SOX6: variants seen among roughly 807,000 people sequenced by gnomAD.
The protein encoded by SOX6 is SRY-box transcription factor 6.
In SOX6, 11 loss-of-function variants were observed where a neutral mutation model predicts 97.8. The ratio of observed to expected loss-of-function variants is 0.11; its 90% confidence interval spans 0.07 to 0.19. The LOEUF is 0.19. SOX6 is among the 10% of genes least tolerant of loss of function. SOX6 has a pLI of 1.00. For synonymous variants in SOX6, 360 were observed against 371.4 expected, an observed-to-expected ratio of 0.97 and a Z score of 0.35; for missense variants, 810 against 1,039.5, an observed-to-expected ratio of 0.78 and a Z score of 3.04.
chr11:16,523,721 T>C (rs1318417322), intron 4 of SOX6, among the ~76,000 whole-genome samples: 2 of 151,880 alleles, frequency 1.3e-5, no homozygotes, highest in South Asian at 4.2e-4. Context: ...ATCAACAAAA[T>C]TGATAGACCA....
chr11:16,604,177 A>G (rs574853773), intron 4 of SOX6, among the ~76,000 whole-genome samples: 1 of 152,332 alleles, frequency 6.6e-6, no homozygotes, highest in South Asian at 2.1e-4. Flanking sequence ...TTGTGCAAGA[A>G]TGTGGCCTAG....
rs573977962 is a variant in SOX6, at chr11:16,536,665, G to A, written n.610-60277C>T. Among the ~76,000 whole-genome samples, 8 of 152,282 alleles carry A rather than the reference G, an allele frequency of 5.3e-5. No individual in the cohort carries two copies. In the South Asian group the frequency reaches 8.3e-4, roughly 16 times the overall value. On this transcript the variant is annotated intron_variant and non_coding_transcript_variant, in intron 4 of 5. Transcript: ENST00000524520. ...GGAGATTCCCTCCCATGTGTGGCTC[G>A]GCGGGTCCCATGCCCATGAAGCCTT...
At chr11:16,146,205 A>G (rs1850290264) in intron 6 of SOX6, among the ~76,000 whole-genome samples, 1 of 152,176 alleles carries the variant, frequency 6.6e-6, no homozygotes, top group African/African-American at 2.4e-5. Flanking sequence ...CCACACATCT[A>G]CAACTATCTG....
chr11:16,177,049 C>T (rs1014533595), intron 6 of SOX6, among the ~76,000 whole-genome samples: 3 of 151,844 alleles, frequency 2.0e-5, no homozygotes, highest in Non-Finnish European at 4.4e-5. Context: ...TAGTTGGGAA[C>T]TTTTTATTTT....
intron 3 of SOX6, among the ~76,000 whole-genome samples, chr11:16,671,984 G>A (rs1033766982): frequency 2.6e-5 from 4 of 152,300 alleles, no homozygotes; most frequent in Admixed American, 2.6e-4. Flanking sequence ...AAGAGATTGG[G>A]GGCCTACAGT....
intron 4 of SOX6, among the ~76,000 whole-genome samples, chr11:16,551,907 A>AAAAAAC (rs1267867463): frequency 6.6e-6 from 1 of 152,158 alleles, no homozygotes; most frequent in Admixed American, 6.6e-5. Context: ...GCCTGGCCTG[A>AAAAAAC]AAAATTTATT....
At chr11:16,202,146 C>T (rs890051074) in intron 4 of SOX6, among the ~76,000 whole-genome samples, 7 of 152,096 alleles carry the variant, frequency 4.6e-5, no homozygotes, top group African/African-American at 1.7e-4. Flanking sequence ...CTAAATTTTA[C>T]AGCACTATTA....
At chr11:16,603,091 G>T (rs1368261362) in intron 4 of SOX6, among the ~76,000 whole-genome samples, 1 of 152,160 alleles carries the variant, frequency 6.6e-6, no homozygotes, top group Non-Finnish European at 1.5e-5. Context: ...TAGGATGTTT[G>T]CTTGTTTGTT....
intron 2 of SOX6, among the ~76,000 whole-genome samples, chr11:16,721,307 C>T (rs1338243896): frequency 6.6e-6 from 1 of 152,100 alleles, no homozygotes; most frequent in East Asian, 1.9e-4. Context: ...GATTAATCTG[C>T]CTTGCACTCT....
rs545696440 is a variant in SOX6, at chr11:15,976,714, C to A, written c.2184-3602G>T. Among the ~76,000 whole-genome samples, 3 of 152,296 alleles carry A rather than the reference C, an allele frequency of 2.0e-5. No homozygotes were observed. In the East Asian group the frequency reaches 5.8e-4, roughly 29 times the overall value. On this transcript the variant is annotated intron_variant, in intron 15 of 15. Transcript: ENST00000683767. ...GGCATCTGAGAAGGGAAAATGTTGA[C>A]ATCTTCTAAGAAATGTTTAAAAAGA...
At position 15,970,653 on chromosome 11, in the gene SOX6, A is replaced by C. The variant is rs1398904417; in HGVS notation, c.*2156T>G. 5.2e-5 allele frequency: 8 copies of C among 152,678 alleles called. No individual in the cohort carries two copies. Among genetic ancestry groups the C allele is most frequent in the Admixed American group, 5.2e-4 (8 of 15,290 alleles). The allele number at this position is 152,678 out of a possible 1,614,324, so 9.5% of individuals were successfully genotyped here. ...CCAACATGAATAACAAAGAGTTCCT[A>C]TCAGTACCTTAATCAGCTTATAGAG... On this transcript the variant is annotated 3_prime_UTR_variant, in exon 16 of 16. Transcript: ENST00000683767.
chr11:16,678,919 A>G (rs1211793637), intron 3 of SOX6, among the ~76,000 whole-genome samples: 1 of 152,194 alleles, frequency 6.6e-6, no homozygotes, highest in African/African-American at 2.4e-5. Flanking sequence ...GCCATTGCTG[A>G]GGCTTCAGTA....
intron 2 of SOX6, among the ~76,000 whole-genome samples, chr11:16,716,832 A>G (rs1321485630): frequency 6.6e-6 from 1 of 152,180 alleles, no homozygotes; most frequent in East Asian, 1.9e-4. Flanking sequence ...TTCTATTTAA[A>G]TAAAGCTCAA....
At chr11:16,030,108 G>A (rs1044166912) in intron 12 of SOX6, among the ~76,000 whole-genome samples, 4 of 152,090 alleles carry the variant, frequency 2.6e-5, no homozygotes, top group Non-Finnish European at 5.9e-5. Context: ...ACTTATATAA[G>A]GCTTCAGGTT....
At chr11:16,573,249 T>G (rs558886936) in intron 4 of SOX6, among the ~76,000 whole-genome samples, 1 of 152,350 alleles carries the variant, frequency 6.6e-6, no homozygotes, top group East Asian at 1.9e-4. Flanking sequence ...AGATTTATTT[T>G]TGTTAGGAAT....
At chr11:16,506,038 C>A (rs1053395740) in intron 4 of SOX6, among the ~76,000 whole-genome samples, 1 of 152,224 alleles carries the variant, frequency 6.6e-6, no homozygotes, top group Non-Finnish European at 1.5e-5. Context: ...GGAAGCCCCA[C>A]ACAGAGTCCC....
At chr11:16,206,334 A>C (rs1041803227) in intron 4 of SOX6, among the ~76,000 whole-genome samples, 2 of 152,182 alleles carry the variant, frequency 1.3e-5, no homozygotes, top group Non-Finnish European at 2.9e-5. Context: ...AGAATACAGA[A>C]GGTGAACTTA....
chr11:16,184,446 C>T (rs890299312), intron 5 of SOX6, among the ~76,000 whole-genome samples: 1 of 152,028 alleles, frequency 6.6e-6, no homozygotes, highest in African/African-American at 2.4e-5. Context: ...TGCCAAAGGA[C>T]ACAGCAAAAA....
At chr11:16,492,459 G>A (rs548140240) in intron 4 of SOX6, among the ~76,000 whole-genome samples, 1 of 152,254 alleles carries the variant, frequency 6.6e-6, no homozygotes, top group South Asian at 2.1e-4. Context: ...GGGAGATGGG[G>A]GAGTAAACAC....
Sources: gnomAD v4.1 joint callset for allele counts (sites outside exome capture counted in the v4.1 genomes callset) on GRCh38, gnomAD v4.1.1 for gene constraint, MANE v1.5 for transcripts, NCBI Gene and HGNC (gene_info 2026-07-23, HGNC 2026-07-21) for gene names.